FILIP1L: variants seen among roughly 807,000 people sequenced by gnomAD.
FILIP1L encodes the protein filamin A-interacting protein 1-like.
Under a neutral mutation model 96.6 loss-of-function variants are expected in FILIP1L, and 55 were observed. The ratio of observed to expected loss-of-function variants is 0.57; its 90% CI spans 0.46 to 0.71. The LOEUF (loss-of-function observed/expected upper bound fraction) is 0.71. Among genes scored for constraint, FILIP1L ranks in the 30% least tolerant of loss-of-function variants. The pLI is 0.00. For synonymous variants in FILIP1L, 467 were observed against 473.9 expected, an observed-to-expected ratio of 0.99 and a Z score of 0.19; for missense variants, 1,304 against 1,321.2, an observed-to-expected ratio of 0.99 and a Z score of 0.20.
chr3:100,078,933 T>C (rs2065892210), intron 1 of FILIP1L, among the ~76,000 whole-genome samples: 1 of 151,990 alleles, frequency 6.6e-6, no homozygotes, highest in Non-Finnish European at 1.5e-5. Flanking sequence ...TCATAATATT[T>C]TAAGAAAGTT....
At chr3:99,832,499 G>A (rs1324248268) in intron 5 of FILIP1L, among the ~76,000 whole-genome samples, 3 of 144,964 alleles carry the variant, frequency 2.1e-5, no homozygotes, top group Admixed American at 6.8e-5. Context: ...CAAAGTGCTG[G>A]GATTACAGGT....
At chr3:99,935,824 T>A (rs530203663) in intron 1 of FILIP1L, among the ~76,000 whole-genome samples, 1 of 152,266 alleles carries the variant, frequency 6.6e-6, no homozygotes, top group Non-Finnish European at 1.5e-5. Context: ...TGGGCTTAAG[T>A]TAGTTGAAAT....
At chr3:99,902,225 T>G (rs1706460000) in intron 4 of FILIP1L, among the ~76,000 whole-genome samples, 1 of 152,164 alleles carries the variant, frequency 6.6e-6, no homozygotes, top group Admixed American at 6.5e-5. Flanking sequence ...GACATTTTTT[T>G]GAGTAGGAAT....
intron 5 of FILIP1L, 194 bp downstream of exon 5, chr3:99,848,101 C>T (rs1234020758): frequency 7.0e-7 from 1 of 1,420,280 alleles, no homozygotes; most frequent in African/African-American, 1.4e-5. Flanking sequence ...AGTAAGTGCA[C>T]ACTCGATATG....
At chr3:100,033,329 T>A (rs1038419395) in intron 1 of FILIP1L, among the ~76,000 whole-genome samples, 2 of 152,156 alleles carry the variant, frequency 1.3e-5, no homozygotes, top group African/African-American at 4.8e-5. Context: ...CTGCCTCACC[T>A]CTATCGAGTG....
intron 1 of FILIP1L, among the ~76,000 whole-genome samples, chr3:100,021,958 TGTGAGAGA>T (rs1479413230): frequency 3.2e-5 from 3 of 94,930 alleles, no homozygotes; most frequent in South Asian, 4.1e-4. Context: ...TGTGTGTGTG[TGTGAGAGA>T]GAGAGAGAGA....
intron 4 of FILIP1L, among the ~76,000 whole-genome samples, chr3:99,893,124 A>G (rs1170814802): frequency 6.7e-6 from 1 of 149,588 alleles, no homozygotes. Context: ...TTCTGCTTTC[A>G]GGTATCTCTA....
At chr3:99,889,850 C>A (rs1464980176) in intron 4 of FILIP1L, among the ~76,000 whole-genome samples, 1 of 151,870 alleles carries the variant, frequency 6.6e-6, no homozygotes, top group Non-Finnish European at 1.5e-5. Flanking sequence ...CTGAGCATAC[C>A]CTCCCAGTTT....
At chr3:100,046,425 C>T (rs1000671465) in intron 1 of FILIP1L, among the ~76,000 whole-genome samples, 1 of 151,394 alleles carries the variant, frequency 6.6e-6, no homozygotes, top group African/African-American at 2.4e-5. Flanking sequence ...AAGTAAACAA[C>T]CTTTTTTTTT....
chr3:100,109,545 G>T (rs9798963), intron 1 of FILIP1L, among the ~76,000 whole-genome samples: 7 of 152,140 alleles, frequency 4.6e-5, no homozygotes, highest in Admixed American at 6.5e-5. Context: ...GTTTTTGGGG[G>T]TTTTTTCCCA....
chr3:99,834,019 C>A (rs946871755), intron 5 of FILIP1L, among the ~76,000 whole-genome samples: 1 of 152,166 alleles, frequency 6.6e-6, no homozygotes, highest in African/African-American at 2.4e-5. Flanking sequence ...GCCTTCTTTT[C>A]TTTTGTCTTT....
chr3:100,111,586 T>C (rs1006790972), intron 1 of FILIP1L, among the ~76,000 whole-genome samples: 1 of 152,168 alleles, frequency 6.6e-6, no homozygotes, highest in Admixed American at 6.5e-5. Flanking sequence ...AGAAGCACAG[T>C]AGGGCTGCTC....
At chr3:100,096,414 G>A (rs2066209202) in intron 1 of FILIP1L, among the ~76,000 whole-genome samples, 1 of 152,152 alleles carries the variant, frequency 6.6e-6, no homozygotes, top group African/African-American at 2.4e-5. Context: ...TAAACACAAT[G>A]GATACTATTC....
intron 1 of FILIP1L, among the ~76,000 whole-genome samples, chr3:100,037,467 C>T (rs913203319): frequency 6.6e-6 from 1 of 152,032 alleles, no homozygotes; most frequent in South Asian, 2.1e-4. Flanking sequence ...CACACACACA[C>T]GCACATTGTT....
intron 5 of FILIP1L, among the ~76,000 whole-genome samples, chr3:99,831,929 A>G (rs1942682071): frequency 6.6e-6 from 1 of 152,168 alleles, no homozygotes; most frequent in South Asian, 2.1e-4. Context: ...CTACCTGGGT[A>G]TGCATAGTTC....
chr3:99,969,210 AG>A (rs1222591971), intron 1 of FILIP1L, among the ~76,000 whole-genome samples: 1 of 152,146 alleles, frequency 6.6e-6, no homozygotes, highest in East Asian at 1.9e-4. Context: ...ATATCTAAGA[AG>A]GGGAGGGGAA....
chr3:100,051,887 A>G (rs1287263514), intron 1 of FILIP1L, among the ~76,000 whole-genome samples: 4 of 148,496 alleles, frequency 2.7e-5, no homozygotes, highest in East Asian at 1.9e-4. Flanking sequence ...AATATATTTT[A>G]TATGTCATAT....
Position 99,929,983 on chromosome 3 carries a change from A to G in FILIP1L, c.299T>C (p.Leu100Pro). ...CCCATACTGAGCTTCCAGCAAAGCC[A>G]GGTCCATTTTTTCAGCCTTTAAAAT... ...IGILKAEKMDLALLEAQYGFV... is the reference protein window; with the variant it reads ...IGILKAEKMDPALLEAQYGFV... Residue 100 changes from leucine (L) to proline (P), a missense_variant, in exon 3 of 6, where the codon CTG becomes CCG. Coordinates refer to ENST00000477258, the MANE Select transcript of FILIP1L (RefSeq NM_001387850.1). 6.2e-7 allele frequency: 1 copy of G among 1,614,006 alleles called. No homozygotes were observed. Among genetic ancestry groups the G allele is most frequent in the East Asian group, 2.2e-5 (1 of 44,862 alleles).
intron 4 of FILIP1L, among the ~76,000 whole-genome samples, chr3:99,917,065 T>A (rs1334121737): frequency 6.6e-6 from 1 of 152,222 alleles, no homozygotes; most frequent in African/African-American, 2.4e-5. Context: ...AAGTTTGAGG[T>A]TGCCTTTCCA....
Sources: allele counts gnomAD v4.1 joint callset (sites outside exome capture counted in the v4.1 genomes callset), GRCh38; gene constraint gnomAD v4.1.1; transcripts MANE v1.5; gene names NCBI Gene and HGNC (gene_info 2026-07-23, HGNC 2026-07-21).